Variants in ACTR8 observed in about 807,000 individuals in gnomAD.
The protein encoded by ACTR8 is actin-related protein 8.
ACTR8 carries 70 observed loss-of-function variants against 84.3 expected under a neutral mutation model. The observed-to-expected ratio is 0.83, with a 90% CI of 0.68 to 1.01. The LOEUF (loss-of-function observed/expected upper bound fraction) is 1.01, where lower values mean the gene tolerates loss of function less well. Ranked by LOEUF, ACTR8 falls within the 50% of genes least tolerant of loss-of-function variation. The pLI, the probability that ACTR8 is intolerant of heterozygous loss-of-function variation, is 0.00. For synonymous variants in ACTR8, 268 were observed against 275.2 expected (o/e 0.97, Z 0.26); for missense variants, 672 against 775.4 (o/e 0.87, Z 1.58).
At chr3:53,877,815 TC>T in intron 3 of ACTR8, 64 bp from the exon 4 acceptor site, 1 of 1,374,952 alleles carries the variant, frequency 7.3e-7, no homozygotes, top group Non-Finnish European at 1.0e-6. Context: ...CATAAGGGTC[TC>T]CTTTTCTTCT....
At chr3:53,865,191 C>T (rs1699742023), downstream of ACTR8, 1 of 1,614,094 alleles carries the variant, frequency 6.2e-7, no homozygotes, top group East Asian at 2.2e-5. Flanking sequence ...GTGTCTGCCC[C>T]AAGTACCACC....
chr3:53,861,295 A>C, the ACTR8 span: 3 of 148,568 alleles, frequency 2.0e-5, no homozygotes, highest in Admixed American at 1.4e-4. Flanking sequence ...AGCAAAAAAA[A>C]CTTTTTTTTT....
rs556876582 is a variant in ACTR8, at chr3:53,869,970, G to A, written c.1731+12C>T. 1.2e-6 allele frequency: 2 copies of A among 1,613,516 alleles called. No homozygotes were observed. The highest frequency in any genetic ancestry group is 1.7e-6 in the Non-Finnish European group (2 of 1,179,564). On this transcript the variant is annotated intron_variant, in intron 12 of 12. Coordinates refer to ENST00000335754, the MANE Select transcript of ACTR8 (RefSeq NM_022899.5). ...TTGCATACAGTCCAACTTGCACAAT[G>A]AAACAACCTACCTTAGGCCTTGTGA...
At chr3:53,881,679 T>A (rs1700062470) in intron 1 of ACTR8, 1 of 493,774 alleles carries the variant, frequency 2.0e-6, no homozygotes, top group Admixed American at 3.5e-5. Flanking sequence ...GGTCGTTTTA[T>A]GGTCGGGGAA....
intron 7 of ACTR8, among the ~76,000 whole-genome samples, chr3:53,875,116 T>C (rs888906653): frequency 5.9e-5 from 9 of 152,218 alleles, no homozygotes; most frequent in Admixed American, 3.9e-4. Context: ...ATTATTTTAT[T>C]GGTAGGAAAC....
rs748404534 is a variant in ACTR8, at chr3:53,874,299, C to A, written c.977G>T (p.Gly326Val). 7.4e-6 allele frequency: 12 copies of A among 1,614,118 alleles called. No individual in the cohort carries two copies. Among genetic ancestry groups the A allele is most frequent in the East Asian group, 2.2e-5 (1 of 44,888 alleles). ...TAACTGGCATTCTCTGTAAGGGAAC[C>A]CAGCTCGCTGCATTAGCCAGTAAAA... ...RCFYWLMQRA[G>V]FPYRECQLTN... The change falls in exon 8 of 13, where the codon GGG becomes GTG. Residue 326 changes from glycine to valine, a missense_variant. Gly to Val is a moderately radical substitution (Grantham distance 109). Coordinates refer to ENST00000335754, the MANE Select transcript of ACTR8 (RefSeq NM_022899.5).
chr3:53,877,418 G>A, intron 4 of ACTR8, 31 bp from the exon 5 acceptor site: 1 of 1,554,060 alleles, frequency 6.4e-7, no homozygotes, highest in South Asian at 1.2e-5. Context: ...TGAGTACTTT[G>A]TTAAAACTTT....
intron 3 of ACTR8, 79 bp from the exon 4 acceptor site, chr3:53,877,830 T>A: frequency 8.2e-7 from 1 of 1,219,472 alleles, no homozygotes; most frequent in Non-Finnish European, 1.2e-6. Flanking sequence ...TTCTTCTCTC[T>A]CACATACTAG....
chr3:53,878,520 G>A, intron 2 of ACTR8, 53 bp from the exon 3 acceptor site: 2 of 1,105,466 alleles, frequency 1.8e-6, no homozygotes, highest in African/African-American at 1.6e-5. Context: ...AGAAGACAAA[G>A]CAATTCAAAA....
chr3:53,871,104 G>T, intron 11 of ACTR8, 128 bp downstream of exon 11: 1 of 1,332,090 alleles, frequency 7.5e-7, no homozygotes, highest in Non-Finnish European at 1.0e-6. Context: ...GGCAATGCAA[G>T]CCAAGTAGGC....
intron 5 of ACTR8, 104 bp downstream of exon 5, chr3:53,877,110 G>T (rs1204817378): frequency 8.7e-7 from 1 of 1,153,122 alleles, no homozygotes; most frequent in Non-Finnish European, 1.2e-6. Context: ...TGAAGGTCAA[G>T]AATGTTTCAA....
rs1434251839 is a variant in ACTR8 at position 53,879,876 on chromosome 3, T to G, written c.294+63A>C. On this transcript the variant is annotated intron_variant, in intron 2 of 12. Transcript: ENST00000335754. Reference sequence around the variant, plus strand: ...ATGTTTCTTTAAGATTCTGGTGTACTTGTGTCTAAGCCCTCCCAGGGAAAC... The same window carrying G: ...ATGTTTCTTTAAGATTCTGGTGTACGTGTGTCTAAGCCCTCCCAGGGAAAC... 10 of 1,443,366 alleles carry G rather than the reference T, an allele frequency of 6.9e-6. No homozygotes were observed. The East Asian group carries it at 1.8e-4, about 27-fold the overall frequency. 89.4% of individuals were successfully genotyped at this position (1,443,366 alleles called of 1,614,324 possible). A position where few individuals can be genotyped will look rare whatever the true frequency, so the allele number is the denominator to read the frequency against.
downstream of ACTR8, among the ~76,000 whole-genome samples, chr3:53,866,512 C>T (rs1390954720): frequency 1.3e-5 from 2 of 150,824 alleles, no homozygotes; most frequent in Non-Finnish European, 2.9e-5. Context: ...GACAGAGTTT[C>T]ACTCTGTCAC....
chr3:53,876,126 G>A (rs546304162), intron 6 of ACTR8, 46 bp from the exon 7 acceptor site: 24 of 1,606,096 alleles, frequency 1.5e-5, no homozygotes, highest in South Asian at 5.5e-5. Context: ...GCTGTAGCAC[G>A]GTAAAGATCC....
intron 9 of ACTR8, 90 bp downstream of exon 9, chr3:53,872,942 A>C: frequency 5.7e-6 from 6 of 1,055,798 alleles, no homozygotes; most frequent in Non-Finnish European, 8.4e-6. Flanking sequence ...TTCTGATCTC[A>C]CAATGTTTCC....
intron 1 of ACTR8, 140 bp downstream of exon 1, chr3:53,881,839 G>C: frequency 7.2e-7 from 1 of 1,385,892 alleles, no homozygotes; most frequent in Non-Finnish European, 9.7e-7. Flanking sequence ...ACCCGGAAAA[G>C]AACGACCGCT....
intron 5 of ACTR8, 114 bp downstream of exon 5, chr3:53,877,100 T>A: frequency 9.6e-7 from 1 of 1,044,180 alleles, no homozygotes; most frequent in Admixed American, 3.0e-5. Context: ...ATCCTCACCC[T>A]GAAGGTCAAG....
At chr3:53,872,291 A>T (rs969375173) in intron 10 of ACTR8, 93 bp downstream of exon 10, 8 of 1,309,336 alleles carry the variant, frequency 6.1e-6, no homozygotes, top group Non-Finnish European at 8.1e-6. Context: ...ATTATGCTGG[A>T]AGATAGAACT....
chr3:53,881,821 G>T, intron 1 of ACTR8, 158 bp downstream of exon 1: 2 of 1,249,006 alleles, frequency 1.6e-6, no homozygotes, highest in Non-Finnish European at 2.2e-6. Flanking sequence ...GCGTCCCGGC[G>T]CGCCACCACC....
Sources: allele counts gnomAD v4.1 joint callset (sites outside exome capture counted in the v4.1 genomes callset), GRCh38; gene constraint gnomAD v4.1.1; transcripts MANE v1.5; gene names NCBI Gene and HGNC (gene_info 2026-07-23, HGNC 2026-07-21).